KCNH1: variants seen among roughly 807,000 people sequenced by gnomAD.
KCNH1 encodes the protein potassium voltage-gated channel subfamily H member 1.
Under a neutral mutation model 69.2 loss-of-function variants are expected in KCNH1, and 27 were observed. The ratio of observed to expected loss-of-function variants is 0.39; its 90% CI spans 0.29 to 0.54. KCNH1 has a LOEUF of 0.54. KCNH1 is among the 20% of genes least tolerant of loss of function. KCNH1 has a pLI of 0.68. For missense variants in KCNH1, 798 were observed against 1,261.6 expected, an observed-to-expected ratio of 0.63 and a Z score of 5.57; for synonymous variants, 456 against 487.7, an observed-to-expected ratio of 0.93 and a Z score of 0.86.
At chr1:210,822,890 C>A (rs1684958573) in intron 7 of KCNH1, among the ~76,000 whole-genome samples, 1 of 151,944 alleles carries the variant, frequency 6.6e-6, no homozygotes, top group Non-Finnish European at 1.5e-5. Context: ...TAGTTATGTG[C>A]AAACATGCCT....
chr1:210,927,342 A>G lies in KCNH1; in HGVS notation c.1033-7273T>C, dbSNP rs139407087. Among the ~76,000 whole-genome samples, 506 of 152,350 alleles carry G rather than the reference A, an allele frequency of 3.3e-3. 1 individual carries two copies. Among genetic ancestry groups the G allele is most frequent in the African/African-American group, 0.012 (481 of 41,586 alleles). On this transcript the variant is annotated intron_variant, in intron 6 of 10. Transcript: ENST00000271751. Reference sequence around the variant, plus strand: ...TCAGGTAACCTATAAAGGAAAATCTATCAGATTAACAGCAGATTTCTCAGC... The same window carrying G: ...TCAGGTAACCTATAAAGGAAAATCTGTCAGATTAACAGCAGATTTCTCAGC...
At chr1:210,845,273 C>A (rs1309493349) in intron 7 of KCNH1, among the ~76,000 whole-genome samples, 18 of 151,714 alleles carry the variant, frequency 1.2e-4, no homozygotes, top group Admixed American at 2.6e-4. Flanking sequence ...GAAACACAAC[C>A]AAAAAAGAGA....
chr1:211,071,923 G>T (rs1224890339), intron 5 of KCNH1, among the ~76,000 whole-genome samples: 1 of 151,960 alleles, frequency 6.6e-6, no homozygotes, highest in Non-Finnish European at 1.5e-5. Flanking sequence ...TTAAAGAGTT[G>T]GGAGGAAAAA....
chr1:210,705,970 C>T (rs930619021), intron 10 of KCNH1, among the ~76,000 whole-genome samples: 1 of 152,220 alleles, frequency 6.6e-6, no homozygotes, highest in African/African-American at 2.4e-5. Flanking sequence ...TTGTATTTTA[C>T]TTTACCCTTG....
chr1:211,099,984 C>T (rs750638701), intron 3 of KCNH1, among the ~76,000 whole-genome samples: 11 of 152,206 alleles, frequency 7.2e-5, no homozygotes, highest in Non-Finnish European at 1.3e-4. Flanking sequence ...CTACCTCCTG[C>T]TCACTAAGCT....
chr1:211,050,048 C>T (rs1000109338), intron 5 of KCNH1, among the ~76,000 whole-genome samples: 2 of 151,958 alleles, frequency 1.3e-5, no homozygotes, highest in South Asian at 2.1e-4. Flanking sequence ...TCCATAAATA[C>T]CACCATCACC....
chr1:211,098,297 G>A (rs533611521), intron 3 of KCNH1, among the ~76,000 whole-genome samples: 2 of 150,684 alleles, frequency 1.3e-5, no homozygotes, highest in African/African-American at 2.4e-5. Flanking sequence ...CTCCAGCTTG[G>A]GCGACATAGC....
chr1:210,978,327 C>T (rs11119647), intron 6 of KCNH1, among the ~76,000 whole-genome samples: 8,919 of 152,208 alleles, frequency 0.059, 332 homozygotes, highest in East Asian at 0.18. Flanking sequence ...CATGAGCCAC[C>T]GCGCCCGGCC....
intron 9 of KCNH1, among the ~76,000 whole-genome samples, chr1:210,795,880 T>C (rs1189097768): frequency 2.6e-5 from 4 of 151,772 alleles, no homozygotes; most frequent in Admixed American, 6.6e-5. Context: ...CCCAGCACTT[T>C]GAGAGGCCAA....
At chr1:211,034,235 A>G (rs1393436293) in intron 5 of KCNH1, among the ~76,000 whole-genome samples, 1 of 152,186 alleles carries the variant, frequency 6.6e-6, no homozygotes, top group African/African-American at 2.4e-5. Context: ...TATATATATC[A>G]TAGAGCTCTA....
At chr1:210,929,800 C>T (rs1687646072) in intron 6 of KCNH1, among the ~76,000 whole-genome samples, 1 of 152,100 alleles carries the variant, frequency 6.6e-6, no homozygotes, top group Admixed American at 6.6e-5. Context: ...CCAAAAAGCT[C>T]CTAGAACTGA....
intron 5 of KCNH1, among the ~76,000 whole-genome samples, chr1:211,050,872 A>G (rs1690192943): frequency 6.6e-6 from 1 of 152,194 alleles, no homozygotes; most frequent in South Asian, 2.1e-4. Flanking sequence ...GAACCAAGTG[A>G]TTGCTTCCTT....
chr1:210,712,054 G>A (rs1682089499), intron 10 of KCNH1, among the ~76,000 whole-genome samples: 3 of 152,246 alleles, frequency 2.0e-5, no homozygotes, highest in Middle Eastern at 3.4e-3. Flanking sequence ...TCCTGACAGC[G>A]AGCCAGGAGT....
chr1:211,123,420 G>A (rs2102499392), intron 1 of KCNH1, among the ~76,000 whole-genome samples: 1 of 152,276 alleles, frequency 6.6e-6, no homozygotes, highest in East Asian at 1.9e-4. Context: ...ATACACAGGG[G>A]AGCATCTATG....
At chr1:210,804,932 C>T (rs1684503871) in intron 7 of KCNH1, among the ~76,000 whole-genome samples, 1 of 152,114 alleles carries the variant, frequency 6.6e-6, no homozygotes, top group African/African-American at 2.4e-5. Flanking sequence ...ACTACAGCTC[C>T]CCCTACATTT....
At chr1:210,856,859 C>T (rs1416191234) in intron 7 of KCNH1, among the ~76,000 whole-genome samples, 1 of 78,422 alleles carries the variant, frequency 1.3e-5, no homozygotes. Flanking sequence ...ATGTAACCCA[C>T]TATATATATA....
intron 7 of KCNH1, chr1:210,861,491 C>A: frequency 1.3e-6 from 1 of 774,520 alleles, no homozygotes; most frequent in Non-Finnish European, 2.4e-6. Flanking sequence ...ATGTAAGGCC[C>A]ACTTCTTGCA....
intron 5 of KCNH1, among the ~76,000 whole-genome samples, chr1:211,040,722 CTT>C (rs1015110997): frequency 6.6e-6 from 1 of 152,136 alleles, no homozygotes; most frequent in Non-Finnish European, 1.5e-5. Flanking sequence ...ATTCTAAGCT[CTT>C]AAGTCTTATT....
intron 6 of KCNH1, among the ~76,000 whole-genome samples, chr1:210,979,195 C>A (rs1688668497): frequency 6.6e-6 from 1 of 152,196 alleles, no homozygotes; most frequent in African/African-American, 2.4e-5. Context: ...CTGGCCAAAC[C>A]TCGATGCTAA....
Sources: allele counts gnomAD v4.1 joint callset (sites outside exome capture counted in the v4.1 genomes callset), GRCh38; gene constraint gnomAD v4.1.1; transcripts MANE v1.5; gene names NCBI Gene and HGNC (gene_info 2026-07-23, HGNC 2026-07-21).